KSR2: variants seen among roughly 807,000 people sequenced by gnomAD.
KSR2 encodes kinase suppressor of ras 2.
Under a neutral mutation model 107.8 loss-of-function variants are expected in KSR2, and 25 were observed. The ratio of observed to expected loss-of-function variants is 0.23; its 90% CI spans 0.17 to 0.32. The LOEUF (loss-of-function observed/expected upper bound fraction) is 0.32. Ranked by LOEUF, KSR2 falls within the 10% of genes least tolerant of loss-of-function variation. The pLI, the probability that KSR2 is intolerant of heterozygous loss-of-function variation, is 1.00. For synonymous variants in KSR2, 480 were observed against 507.0 expected (o/e 0.95, Z 0.71); for missense variants, 887 against 1,268.9 (o/e 0.70, Z 4.57).
intron 5 of KSR2, among the ~76,000 whole-genome samples, chr12:117,598,384 G>T (rs1338610121): frequency 6.6e-6 from 1 of 152,148 alleles, no homozygotes; most frequent in African/African-American, 2.4e-5. Context: ...CCCACTTGTT[G>T]ATTGATGGGC....
intron 3 of KSR2, among the ~76,000 whole-genome samples, chr12:117,795,310 C>T (rs2137002131): frequency 6.6e-6 from 1 of 152,322 alleles, no homozygotes; most frequent in Admixed American, 6.5e-5. Flanking sequence ...TCCAACTTGT[C>T]AATGGTGTCA....
intron 5 of KSR2, among the ~76,000 whole-genome samples, chr12:117,661,773 A>G (rs1165859730): frequency 2.0e-5 from 3 of 152,108 alleles, no homozygotes; most frequent in Non-Finnish European, 4.4e-5. Context: ...GTGGTCTGGA[A>G]CACACTTGGA....
intron 3 of KSR2, among the ~76,000 whole-genome samples, chr12:117,762,307 C>T (rs631531): frequency 0.75 from 114,382 of 152,166 alleles, 43,253 homozygotes; most frequent in East Asian, 0.87. Context: ...TCCTTAGTCC[C>T]TCCCTGACCA....
intron 4 of KSR2, among the ~76,000 whole-genome samples, chr12:117,711,012 C>T (rs1886750354): frequency 1.3e-5 from 2 of 152,260 alleles, no homozygotes; most frequent in Admixed American, 6.5e-5. Context: ...TCAGAGACAC[C>T]ATCTCCAACC....
intron 5 of KSR2, among the ~76,000 whole-genome samples, chr12:117,656,314 T>A (rs529425276): frequency 5.3e-5 from 8 of 152,322 alleles, no homozygotes. Context: ...TCTGGTTATA[T>A]GAAGGATAGT....
At chr12:117,824,891 C>G (rs953993879) in intron 3 of KSR2, among the ~76,000 whole-genome samples, 5 of 149,524 alleles carry the variant, frequency 3.3e-5, no homozygotes, top group African/African-American at 1.2e-4. Flanking sequence ...AACAAAGTAC[C>G]TGACAAAGCT....
rs1295958309 is a variant in KSR2 at position 117,525,106 on chromosome 12, G to A, written c.1965C>T (p.Phe655=). The A allele has an allele frequency of 6.2e-7, 1 of 1,613,894 alleles. No individual in the cohort carries two copies. Among genetic ancestry groups the A allele is most frequent in the African/African-American group, 1.3e-5 (1 of 74,938 alleles). The change falls in exon 14 of 20, where the codon TTC becomes TTT. Residue 655 remains phenylalanine, a synonymous_variant. Transcript: ENST00000339824. ...CAAAGGGGATGTCCCACTCCTGAAG[G>A]AAGATGCTGGTCTGGCTGGCCTTGC... ...FPRKASQTSI[F]LQEWDIPFEQ...
chr12:117,728,838 G>A (rs1887550874), intron 4 of KSR2, among the ~76,000 whole-genome samples: 2 of 152,210 alleles, frequency 1.3e-5, no homozygotes, highest in South Asian at 4.1e-4. Context: ...CACTGCAAAT[G>A]TGACGAAGGG....
chr12:117,760,926 T>A (rs965410890), intron 4 of KSR2, 85 bp downstream of exon 4: 3 of 1,552,326 alleles, frequency 1.9e-6, no homozygotes, highest in Non-Finnish European at 2.6e-6. Flanking sequence ...CCGGTTTCCT[T>A]GACCTGGGCA....
intron 7 of KSR2, among the ~76,000 whole-genome samples, chr12:117,565,290 T>G (rs573251828): frequency 2.0e-5 from 3 of 152,352 alleles, no homozygotes; most frequent in Admixed American, 6.5e-5. Context: ...CTATTTTTTC[T>G]TGTTCCATGC....
At chr12:117,814,120 G>A (rs1891291486) in intron 3 of KSR2, among the ~76,000 whole-genome samples, 2 of 152,172 alleles carry the variant, frequency 1.3e-5, no homozygotes, top group South Asian at 4.1e-4. Flanking sequence ...AAGGCTAAGG[G>A]GAAGAGTGGG....
intron 7 of KSR2, among the ~76,000 whole-genome samples, chr12:117,559,041 A>AGGATGGAT (rs59506127): frequency 0.11 from 16,234 of 145,290 alleles, 1,116 homozygotes; most frequent in Non-Finnish European, 0.15. Context: ...GATGGATGGA[A>AGGATGGAT]GGATGGATGG....
At chr12:117,609,196 G>A (rs181288400) in intron 5 of KSR2, among the ~76,000 whole-genome samples, 115 of 152,246 alleles carry the variant, frequency 7.6e-4, no homozygotes, top group Admixed American at 2.6e-3. Context: ...CCACTTTGTT[G>A]CTGAGAGATA....
chr12:117,795,641 T>C (rs572560314), intron 3 of KSR2, among the ~76,000 whole-genome samples: 1 of 152,340 alleles, frequency 6.6e-6, no homozygotes, highest in African/African-American at 2.4e-5. Context: ...TTTTTATTTA[T>C]TTATTGAGAC....
chr12:117,815,892 T>C (rs958946665), intron 3 of KSR2, among the ~76,000 whole-genome samples: 1 of 151,794 alleles, frequency 6.6e-6, no homozygotes, highest in Admixed American at 6.6e-5. Context: ...GGAGAATTGC[T>C]TGAACCTGGG....
intron 4 of KSR2, among the ~76,000 whole-genome samples, chr12:117,709,298 G>C (rs949425432): frequency 6.6e-6 from 1 of 152,042 alleles, no homozygotes; most frequent in Non-Finnish European, 1.5e-5. Context: ...GCTTCTCAGG[G>C]AACATGACCT....
chr12:117,648,141 A>C (rs905702079), intron 5 of KSR2, among the ~76,000 whole-genome samples: 1 of 152,200 alleles, frequency 6.6e-6, no homozygotes, highest in Admixed American at 6.5e-5. Context: ...GTTTTTATAA[A>C]AAACATTTTA....
In KSR2 at chr12:117,855,370, A is replaced by G. The variant is rs575642215; in HGVS notation, c.472+58T>C. On this transcript the variant is annotated intron_variant, in intron 3 of 19. Transcript: ENST00000339824. The stretch of plus-strand genomic sequence containing the variant: ...AGTGGCGGGCACGGGATGCCGAGGG[A>G]CCGCGGCAGCTGTGCTGGGGACAAG... The G allele has an allele frequency of 7.6e-6, 12 of 1,585,242 alleles. No homozygotes were observed. In the East Asian group the frequency reaches 2.7e-4, roughly 36 times the overall value.
intron 14 of KSR2, among the ~76,000 whole-genome samples, chr12:117,523,171 AC>A (rs1383222335): frequency 2.0e-5 from 3 of 152,218 alleles, no homozygotes; most frequent in Non-Finnish European, 4.4e-5. Context: ...AATATAATGT[AC>A]CTTCTACCAA....
Sources: gnomAD v4.1 joint callset for allele counts (sites outside exome capture counted in the v4.1 genomes callset) on GRCh38, gnomAD v4.1.1 for gene constraint, MANE v1.5 for transcripts, NCBI Gene and HGNC (gene_info 2026-07-23, HGNC 2026-07-21) for gene names.